Variants in RBMS1 observed in about 807,000 individuals in gnomAD.
RBMS1 encodes RNA-binding motif, single-stranded-interacting protein 1.
Under a neutral mutation model 62.3 loss-of-function variants are expected in RBMS1, and 17 were observed. That is an observed-to-expected ratio of 0.27 (90% CI 0.19 to 0.41). RBMS1 has a LOEUF of 0.41. Ranked by LOEUF, RBMS1 falls within the 10% of genes least tolerant of loss-of-function variation. The pLI is 1.00. For missense variants in RBMS1, 334 were observed against 504.5 expected (o/e 0.66, Z 3.24); for synonymous variants, 172 against 170.0 (o/e 1.01, Z -0.09).
intron 1 of RBMS1, among the ~76,000 whole-genome samples, chr2:160,420,659 G>A (rs1158614028): frequency 1.3e-5 from 2 of 152,110 alleles, no homozygotes; most frequent in Admixed American, 1.3e-4. Flanking sequence ...CTCACCTGAG[G>A]ATTATGATAT....
At chr2:160,290,729 G>A (rs1241829402) in intron 6 of RBMS1, among the ~76,000 whole-genome samples, 1 of 152,128 alleles carries the variant, frequency 6.6e-6, no homozygotes, top group East Asian at 1.9e-4. Context: ...ATTTGTTAAA[G>A]GCCCCAGGCA....
rs187739297 is a variant in RBMS1, at chr2:160,389,320, T to C, written c.76-21929A>G. Among the ~76,000 whole-genome samples, 242 of 152,330 alleles carry C rather than the reference T, an allele frequency of 1.6e-3. 1 individual carries two copies. The highest frequency in any genetic ancestry group is 3.3e-3 in the Admixed American group (51 of 15,296). On this transcript the variant is annotated intron_variant, in intron 1 of 13. Transcript: ENST00000348849. ...ATATGCATGAAATACATAAATGCTA[T>C]TGTTACAAAGAGAGGTTCCAGTGCT...
At chr2:160,458,345 T>G (rs1684328480) in intron 1 of RBMS1, among the ~76,000 whole-genome samples, 1 of 152,192 alleles carries the variant, frequency 6.6e-6, no homozygotes, top group South Asian at 2.1e-4. Flanking sequence ...TTTGAAAGCA[T>G]TTTCTTCCCA....
chr2:160,395,429 C>G (rs1207961710), intron 1 of RBMS1, among the ~76,000 whole-genome samples: 1 of 152,086 alleles, frequency 6.6e-6, no homozygotes, highest in Non-Finnish European at 1.5e-5. Flanking sequence ...TCGAGACCAT[C>G]CTGGCTAACA....
intron 2 of RBMS1, among the ~76,000 whole-genome samples, chr2:160,328,489 C>T (rs1691077515): frequency 6.6e-6 from 1 of 151,620 alleles, no homozygotes; most frequent in Admixed American, 6.6e-5. Flanking sequence ...TGATTTTCCC[C>T]CAAAAAGTGT....
At chr2:160,298,775 A>C (rs879625861) in intron 6 of RBMS1, among the ~76,000 whole-genome samples, 6 of 152,174 alleles carry the variant, frequency 3.9e-5, no homozygotes, top group Admixed American at 3.3e-4. Context: ...TTACTTAGAG[A>C]CAAGGTCATC....
intron 1 of RBMS1, chr2:160,407,541 G>A (rs1331552078): frequency 7.1e-6 from 7 of 985,014 alleles, no homozygotes; most frequent in Non-Finnish European, 8.4e-6. Context: ...ATCGCTGCGG[G>A]CGGCGGCGGC....
At chr2:160,337,414 G>A (rs576928737) in intron 2 of RBMS1, among the ~76,000 whole-genome samples, 1 of 152,212 alleles carries the variant, frequency 6.6e-6, no homozygotes, top group East Asian at 1.9e-4. Flanking sequence ...GATTACAGAT[G>A]TAAGCCATCG....
intron 1 of RBMS1, among the ~76,000 whole-genome samples, chr2:160,410,249 T>TAAAAAAA (rs1695973295): frequency 8.4e-6 from 1 of 118,638 alleles, no homozygotes; most frequent in African/African-American, 3.0e-5. Context: ...AAAAAAAAAT[T>TAAAAAAA]AAAAGACTCT....
At chr2:160,463,524 C>A (rs905794552) in intron 1 of RBMS1, among the ~76,000 whole-genome samples, 7 of 152,208 alleles carry the variant, frequency 4.6e-5, no homozygotes, top group African/African-American at 9.7e-5. Context: ...TGGCTCAGGC[C>A]TATAATCCCA....
chr2:160,447,957 T>C (rs535216635), intron 1 of RBMS1, among the ~76,000 whole-genome samples: 1 of 152,292 alleles, frequency 6.6e-6, no homozygotes, highest in Non-Finnish European at 1.5e-5. Flanking sequence ...TTAAAAACGG[T>C]TGAACGAATA....
At chr2:160,392,588 A>G (rs776120296) in intron 1 of RBMS1, among the ~76,000 whole-genome samples, 9 of 152,056 alleles carry the variant, frequency 5.9e-5, no homozygotes, top group Non-Finnish European at 8.8e-5. Context: ...CTATTTTCCA[A>G]TCCTATTTCA....
intron 2 of RBMS1, among the ~76,000 whole-genome samples, chr2:160,350,844 T>C (rs1051558176): frequency 6.6e-6 from 1 of 152,174 alleles, no homozygotes; most frequent in African/African-American, 2.4e-5. Flanking sequence ...AGCAGCATGA[T>C]TTAGAATCCT....
intron 2 of RBMS1, among the ~76,000 whole-genome samples, chr2:160,357,880 C>G (rs1692891860): frequency 6.6e-6 from 1 of 152,024 alleles, no homozygotes; most frequent in African/African-American, 2.4e-5. Context: ...TATTGGGAAG[C>G]AGGTATTTAT....
chr2:160,431,372 C>T (rs980436856), intron 1 of RBMS1, among the ~76,000 whole-genome samples: 3 of 151,730 alleles, frequency 2.0e-5, no homozygotes, highest in African/African-American at 7.3e-5. Context: ...TACAAAGGTT[C>T]TCATTACCTG....
intron 5 of RBMS1, among the ~76,000 whole-genome samples, chr2:160,302,119 T>C (rs1482023704): frequency 6.6e-6 from 1 of 152,068 alleles, no homozygotes; most frequent in Non-Finnish European, 1.5e-5. Flanking sequence ...ACCACTACTC[T>C]GAAGTGTTTT....
chr2:160,318,229 T>TAAAAAAAAAAAAAAAAAAAAAAAA lies in RBMS1; in HGVS notation c.252-3_252-2insTTTTTTTTTTTTTTTTTTTTTTTT, dbSNP rs5835799. ...TTTGTGGAGACTATTTTCCCATATC[T>TAAAAAAAAAAAAAAAAAAAAAAAA]AAAAAAAAAAAAAAAAAAAAAAAGG... On this transcript the variant is annotated splice_polypyrimidine_tract_variant and splice_region_variant and intron_variant, in intron 2 of 13. Transcript: ENST00000348849. The TAAAAAAAAAAAAAAAAAAAAAAAA allele has an allele frequency of 2.2e-5, 26 of 1,164,708 alleles. No individual in the cohort carries two copies. Among genetic ancestry groups the TAAAAAAAAAAAAAAAAAAAAAAAA allele is most frequent in the African/African-American group, 1.0e-4 (4 of 39,614 alleles). The allele number at this position is 1,164,708 out of a possible 1,614,324, so 72.1% of individuals were successfully genotyped here. A position where few individuals can be genotyped will look rare whatever the true frequency, so the allele number is the denominator to read the frequency against.
chr2:160,431,143 T>C (rs1682879501), intron 1 of RBMS1, among the ~76,000 whole-genome samples: 1 of 143,936 alleles, frequency 6.9e-6, no homozygotes, highest in Non-Finnish European at 1.5e-5. Flanking sequence ...TCTAATAAAA[T>C]AGTCTAATAA....
chr2:160,311,634 A>T (rs1198375051), intron 4 of RBMS1, among the ~76,000 whole-genome samples: 1 of 151,326 alleles, frequency 6.6e-6, no homozygotes, highest in Non-Finnish European at 1.5e-5. Context: ...ATATAAAAGT[A>T]TTGCTCTTTT....
Sources: gnomAD v4.1 joint callset for allele counts (sites outside exome capture counted in the v4.1 genomes callset) on GRCh38, gnomAD v4.1.1 for gene constraint, MANE v1.5 for transcripts, NCBI Gene and HGNC (gene_info 2026-07-23, HGNC 2026-07-21) for gene names.